The following CCSER1 variants were observed in gnomAD, a reference collection of about 807,000 sequenced individuals.
CCSER1 encodes serine-rich coiled-coil domain-containing protein 1.
A neutral mutation model predicts 82.0 loss-of-function variants in CCSER1; 41 were observed. The ratio of observed to expected loss-of-function variants is 0.50; its 90% CI spans 0.39 to 0.65. The LOEUF (loss-of-function observed/expected upper bound fraction) is 0.65. Ranked by LOEUF, CCSER1 falls within the 30% of genes least tolerant of loss-of-function variation. The pLI is 0.00. For synonymous variants in CCSER1, 414 were observed against 383.9 expected, an observed-to-expected ratio of 1.08 and a Z score of -0.92; for missense variants, 1,119 against 1,064.2, an observed-to-expected ratio of 1.05 and a Z score of -0.72.
At position 90,229,073 on chromosome 4, in the gene CCSER1, C is replaced by A. The variant is rs183815644; in HGVS notation, c.-41-79171C>A. On this transcript the variant is annotated intron_variant, in intron 1 of 10. Transcript: ENST00000509176. ...CAGGATGTCATCCAGGAGAACTTCC[C>A]CAATCTAGCAAGGCAGGCCAACATT... Among the ~76,000 whole-genome samples the A allele has an allele frequency of 1.5e-3, 230 of 152,192 alleles. 1 individual carries two copies. Among genetic ancestry groups the A allele is most frequent in the Admixed American group, 5.4e-3 (83 of 15,280 alleles).
intron 9 of CCSER1, among the ~76,000 whole-genome samples, chr4:91,046,108 C>T (rs914276935): frequency 3.3e-5 from 5 of 152,184 alleles, no homozygotes; most frequent in African/African-American, 7.2e-5. Flanking sequence ...TTGCTTCAGG[C>T]CATCTGGATG....
At chr4:91,026,510 A>T (rs1017999438) in intron 9 of CCSER1, among the ~76,000 whole-genome samples, 1 of 152,114 alleles carries the variant, frequency 6.6e-6, no homozygotes, top group Non-Finnish European at 1.5e-5. Flanking sequence ...AGTAATATTC[A>T]TGGTCTTATG....
At chr4:90,603,624 C>CA (rs11446415) in intron 5 of CCSER1, among the ~76,000 whole-genome samples, 67,754 of 151,958 alleles carry the variant, frequency 0.45, 17,478 homozygotes, top group African/African-American at 0.72. Flanking sequence ...TTTCTCTTAC[C>CA]ACAATACTTT....
At chr4:91,380,590 G>C (rs180734345) in intron 10 of CCSER1, among the ~76,000 whole-genome samples, 1 of 151,496 alleles carries the variant, frequency 6.6e-6, no homozygotes, top group Admixed American at 6.6e-5. Flanking sequence ...TTTGTTTTCC[G>C]TTTGCTTGGT....
At chr4:91,169,201 TAAAAAAAA>T (rs57715555) in intron 10 of CCSER1, among the ~76,000 whole-genome samples, 16,564 of 123,014 alleles carry the variant, frequency 0.13, 1,099 homozygotes, top group East Asian at 0.26. Context: ...CAATAAATAC[TAAAAAAAA>T]AAAAAAAAAA....
At chr4:91,093,516 T>A (rs1298758098) in intron 10 of CCSER1, among the ~76,000 whole-genome samples, 1 of 152,214 alleles carries the variant, frequency 6.6e-6, no homozygotes, top group Non-Finnish European at 1.5e-5. Flanking sequence ...TGGGGGACCT[T>A]TATACTTAAG....
chr4:91,475,267 A>G (rs1286843837), intron 10 of CCSER1, among the ~76,000 whole-genome samples: 1 of 151,824 alleles, frequency 6.6e-6, no homozygotes, highest in Non-Finnish European at 1.5e-5. Flanking sequence ...CCTGAACATC[A>G]CTATCTTTTG....
intron 1 of CCSER1, among the ~76,000 whole-genome samples, chr4:90,214,272 T>C (rs1325220211): frequency 1.3e-5 from 2 of 152,168 alleles, no homozygotes; most frequent in African/African-American, 2.4e-5. Context: ...ACTAGGAGTC[T>C]ATAGAAGTTC....
At chr4:90,212,961 A>G (rs1484243642) in intron 1 of CCSER1, among the ~76,000 whole-genome samples, 3 of 152,172 alleles carry the variant, frequency 2.0e-5, no homozygotes, top group Admixed American at 6.5e-5. Flanking sequence ...GAGGGAGAGT[A>G]ATGGCAGATG....
intron 10 of CCSER1, among the ~76,000 whole-genome samples, chr4:91,231,023 G>C (rs550779554): frequency 6.6e-6 from 1 of 151,702 alleles, no homozygotes; most frequent in African/African-American, 2.4e-5. Context: ...AGAATATAAG[G>C]TGTTTTAGCC....
At chr4:90,522,183 T>C (rs2153625545) in intron 5 of CCSER1, among the ~76,000 whole-genome samples, 1 of 152,292 alleles carries the variant, frequency 6.6e-6, no homozygotes, top group East Asian at 1.9e-4. Context: ...AAATTTCTGC[T>C]TCCTCCTGTA....
rs1561384936 is a variant in CCSER1 at position 90,932,976 on chromosome 4, A to AGAGAGAGAG, written c.2172+9529_2172+9530insGAGAGAGAG. 1.6e-4 allele frequency among the ~76,000 whole-genome samples: 6 copies of AGAGAGAGAG among 38,690 alleles called. 2 individuals are homozygous for AGAGAGAGAG. Among genetic ancestry groups the AGAGAGAGAG allele is most frequent in the African/African-American group, 9.4e-4 (5 of 5,322 alleles). The allele number at this position is 38,690 out of a possible 152,430, so 25.4% of individuals were successfully genotyped here. On this transcript the variant is annotated intron_variant, in intron 9 of 10. Transcript: ENST00000509176. The stretch of plus-strand genomic sequence containing the variant: ...AAAGAAAGAAAGAAAGAAAGAAAGA[A>AGAGAGAGAG]AGAAAGAGAAAGAAAGAAAGAAAGA...
At chr4:90,490,392 G>T (rs1477347159) in intron 5 of CCSER1, among the ~76,000 whole-genome samples, 1 of 152,024 alleles carries the variant, frequency 6.6e-6, no homozygotes, top group South Asian at 2.1e-4. Context: ...TTGTAAATTT[G>T]TTTGAGTTCA....
chr4:90,353,094 T>C lies in CCSER1; in HGVS notation c.1509+40047T>C, dbSNP rs1743787561. ...ACGAATGTAGGAGTCAGGAGATACT[T>C]CTCTTCCCACTTCCTTCCCTGAGGT... On this transcript the variant is annotated intron_variant, in intron 3 of 10. Transcript: ENST00000509176. Among the ~76,000 whole-genome samples, 5 of 152,172 alleles carry C rather than the reference T, an allele frequency of 3.3e-5. No individual in the cohort carries two copies. The South Asian group carries it at 1.0e-3, about 32-fold the overall frequency.
At chr4:91,316,963 G>A (rs1745879105) in intron 10 of CCSER1, among the ~76,000 whole-genome samples, 1 of 151,894 alleles carries the variant, frequency 6.6e-6, no homozygotes, top group African/African-American at 2.4e-5. Context: ...GGCATAAATT[G>A]TCATGCTATC....
intron 5 of CCSER1, among the ~76,000 whole-genome samples, chr4:90,556,785 A>G (rs866256679): frequency 6.6e-5 from 10 of 151,866 alleles, no homozygotes; most frequent in Middle Eastern, 3.5e-3. Flanking sequence ...CAGGGGTGGC[A>G]GAGACATATA....
At chr4:91,462,740 C>A (rs1040891442) in intron 10 of CCSER1, among the ~76,000 whole-genome samples, 3 of 152,296 alleles carry the variant, frequency 2.0e-5, no homozygotes. Flanking sequence ...GGGTCCCACA[C>A]CCACGGAGCC....
chr4:91,378,117 T>C (rs1332984468), intron 10 of CCSER1, among the ~76,000 whole-genome samples: 1 of 152,212 alleles, frequency 6.6e-6, no homozygotes, highest in African/African-American at 2.4e-5. Context: ...ATATCTCTGT[T>C]GTGGTACCAG....
chr4:91,009,436 A>C (rs921887292), intron 9 of CCSER1, among the ~76,000 whole-genome samples: 10 of 152,150 alleles, frequency 6.6e-5, no homozygotes, highest in African/African-American at 2.4e-4. Flanking sequence ...GCTAAGTTGC[A>C]AGCCCCGCGT....
Sources: gnomAD v4.1 joint callset for allele counts (sites outside exome capture counted in the v4.1 genomes callset) on GRCh38, gnomAD v4.1.1 for gene constraint, MANE v1.5 for transcripts, NCBI Gene and HGNC (gene_info 2026-07-23, HGNC 2026-07-21) for gene names.